Variants in LHFPL1 observed in about 807,000 individuals in gnomAD.
LHFPL1 encodes LHFPL tetraspan subfamily member 1 protein.
Under a neutral mutation model 12.1 loss-of-function variants are expected in LHFPL1, and 4 were observed. The ratio of observed to expected loss-of-function variants is 0.33; its 90% CI spans 0.16 to 0.76. The LOEUF is 0.76. LHFPL1 is among the 30% of genes least tolerant of loss of function. The pLI, the probability that LHFPL1 is intolerant of heterozygous loss-of-function variation, is 0.61. For synonymous variants in LHFPL1, 52 were observed against 61.9 expected (o/e 0.84, Z 0.75); for missense variants, 141 against 174.1 (o/e 0.81, Z 1.07).
intron 3 of LHFPL1, among the ~76,000 whole-genome samples, chrX:112,643,793 C>T (rs182447913): frequency 2.7e-5 from 3 of 111,671 alleles, no homozygotes; most frequent in Admixed American, 1.9e-4. Flanking sequence ...AGCAACAGAG[C>T]CACCCTACAA....
intron 3 of LHFPL1, among the ~76,000 whole-genome samples, chrX:112,646,584 G>C (rs1193109430): frequency 1.8e-5 from 2 of 110,526 alleles, no homozygotes; most frequent in Non-Finnish European, 3.8e-5. Flanking sequence ...GACCATTTAG[G>C]TTCCTTTATT....
chrX:112,665,870 T>C (rs1030496048), intron 2 of LHFPL1, among the ~76,000 whole-genome samples: 1 of 111,972 alleles, frequency 8.9e-6, no homozygotes, highest in African/African-American at 3.2e-5. Flanking sequence ...ACACCACAGC[T>C]GCCTTCAACT....
At chrX:112,651,844 T>G (rs1275776445) in intron 3 of LHFPL1, among the ~76,000 whole-genome samples, 1 of 111,925 alleles carries the variant, frequency 8.9e-6, no homozygotes, top group Non-Finnish European at 1.9e-5. Context: ...ATATCTTATC[T>G]CTTTTCTTCC....
At chrX:112,666,439 T>C (rs1485251439) in intron 2 of LHFPL1, among the ~76,000 whole-genome samples, 2 of 111,133 alleles carry the variant, frequency 1.8e-5, no homozygotes, top group Non-Finnish European at 3.8e-5. Context: ...CTTTGAGAGA[T>C]AGGTAGATAT....
intron 3 of LHFPL1, among the ~76,000 whole-genome samples, chrX:112,642,323 C>A (rs978697919): frequency 3.2e-4 from 32 of 100,312 alleles, no homozygotes; most frequent in African/African-American, 9.7e-4. Flanking sequence ...CCAGCCTGGG[C>A]AACATGGTGA....
chrX:112,677,598 T>C (rs768991747), intron 1 of LHFPL1, among the ~76,000 whole-genome samples: 6 of 109,836 alleles, frequency 5.5e-5, no homozygotes, highest in African/African-American at 2.0e-4. Flanking sequence ...TGTGACTCCT[T>C]ATATCAAGTT....
At chrX:112,646,396 CG>C (rs1221715377) in intron 3 of LHFPL1, among the ~76,000 whole-genome samples, 1 of 108,913 alleles carries the variant, frequency 9.2e-6, no homozygotes, top group Non-Finnish European at 1.9e-5. Flanking sequence ...TGCAATTGTA[CG>C]GTTTTGTTTT....
At chrX:112,652,790 CT>C (rs1440033882) in intron 3 of LHFPL1, among the ~76,000 whole-genome samples, 1 of 112,039 alleles carries the variant, frequency 8.9e-6, no homozygotes, top group Non-Finnish European at 1.9e-5. Flanking sequence ...ATATGAGAGT[CT>C]TATTCTTCCT....
chrX:112,661,388 A>G (rs750187032), intron 2 of LHFPL1, among the ~76,000 whole-genome samples: 1 of 111,816 alleles, frequency 8.9e-6, no homozygotes, highest in South Asian at 3.8e-4. Flanking sequence ...TTCCAACCAG[A>G]GATACAAATC....
chrX:112,660,576 GA>G (rs1469155343), intron 3 of LHFPL1, 50 bp downstream of exon 3: 1 of 1,047,058 alleles, frequency 9.6e-7, no homozygotes, highest in Non-Finnish European at 1.3e-6. Context: ...AAGCACTTTG[GA>G]AAACACATTT....
intron 3 of LHFPL1, among the ~76,000 whole-genome samples, chrX:112,656,050 A>T (rs1047711270): frequency 8.9e-6 from 1 of 112,133 alleles, no homozygotes; most frequent in Non-Finnish European, 1.9e-5. Flanking sequence ...GTCAATGAAC[A>T]CATCACAAGA....
intron 1 of LHFPL1, among the ~76,000 whole-genome samples, chrX:112,676,674 T>C (rs1344474130): frequency 1.8e-5 from 2 of 112,312 alleles, no homozygotes; most frequent in East Asian, 2.8e-4. Context: ...TCAACCTATA[T>C]GATGCAGGAA....
chrX:112,637,564 A>G (rs781457685), intron 3 of LHFPL1, among the ~76,000 whole-genome samples: 2 of 112,243 alleles, frequency 1.8e-5, no homozygotes, highest in Admixed American at 9.4e-5. Context: ...GAAGCCAAGA[A>G]TGCTGGAGAG....
chrX:112,654,492 A>C (rs1392739009), intron 3 of LHFPL1, among the ~76,000 whole-genome samples: 1 of 111,320 alleles, frequency 9.0e-6, no homozygotes, highest in Non-Finnish European at 1.9e-5. Context: ...GTGTAGCTAG[A>C]TAGATAGAGA....
chrX:112,634,309 G>GC (rs1445002271), intron 3 of LHFPL1, among the ~76,000 whole-genome samples: 2 of 110,686 alleles, frequency 1.8e-5, no homozygotes, highest in Non-Finnish European at 1.9e-5. Context: ...AAGGAGGGGG[G>GC]GCTCCTAAGT....
intron 2 of LHFPL1, among the ~76,000 whole-genome samples, chrX:112,670,651 A>G (rs765376927): frequency 5.3e-5 from 6 of 112,438 alleles, no homozygotes; most frequent in Non-Finnish European, 9.4e-5. Flanking sequence ...GCTCCTAGAA[A>G]TTAAGTTTAT....
chrX:112,641,802 G>A (rs1163856658), intron 3 of LHFPL1, among the ~76,000 whole-genome samples: 1 of 111,891 alleles, frequency 8.9e-6, no homozygotes, highest in African/African-American at 3.3e-5. Flanking sequence ...TGGGGAGAAG[G>A]CCCAGATGAT....
chrX:112,634,230 C>T (rs1028109098), intron 3 of LHFPL1, among the ~76,000 whole-genome samples: 1 of 111,291 alleles, frequency 9.0e-6, no homozygotes, highest in Non-Finnish European at 1.9e-5. Context: ...GTGCTCTGCC[C>T]TCTGCAGTTT....
At chrX:112,647,839 A>G (rs1282687862) in intron 3 of LHFPL1, among the ~76,000 whole-genome samples, 1 of 112,086 alleles carries the variant, frequency 8.9e-6, no homozygotes, top group Non-Finnish European at 1.9e-5. Flanking sequence ...TACCCAAAGG[A>G]TTATAAATCA....
Sources: gnomAD v4.1 joint callset for allele counts (sites outside exome capture counted in the v4.1 genomes callset) on GRCh38, gnomAD v4.1.1 for gene constraint, MANE v1.5 for transcripts, NCBI Gene and HGNC (gene_info 2026-07-23, HGNC 2026-07-21) for gene names.